The following ESR1 variants were observed in gnomAD, a reference collection of about 807,000 sequenced individuals.
The protein encoded by ESR1 is estrogen receptor.
Under a neutral mutation model 52.7 loss-of-function variants are expected in ESR1, and 12 were observed. The ratio of observed to expected loss-of-function variants is 0.23; its 90% CI spans 0.15 to 0.37. The LOEUF is 0.37. ESR1 is among the 10% of genes least tolerant of loss of function. The pLI is 1.00. For missense variants in ESR1, 584 were observed against 779.7 expected (o/e 0.75, Z 2.99); for synonymous variants, 305 against 316.8 (o/e 0.96, Z 0.39).
chr6:151,988,714 C>T (rs60803780), intron 4 of ESR1, among the ~76,000 whole-genome samples: 19,476 of 151,990 alleles, frequency 0.13, 1,334 homozygotes, highest in African/African-American at 0.18. Context: ...TGCACGTGTA[C>T]TCCAGAGCTT....
rs144168769 is a variant in ESR1 at position 152,012,133 on chromosome 6, T to C, written c.1235+339T>C. 5.0e-3 allele frequency among the ~76,000 whole-genome samples: 765 copies of C among 151,770 alleles called. 8 individuals carry two copies. The highest frequency in any genetic ancestry group is 0.018 in the African/African-American group (732 of 41,284). ...AACTTGTATCATATAAAAATTATAA[T>C]AACCTCTCTTTAATTAAAATCTGTT... On this transcript the variant is annotated intron_variant, in intron 5 of 7. Coordinates refer to ENST00000206249, the MANE Select transcript of ESR1 (RefSeq NM_000125.4).
intron 1 of ESR1, among the ~76,000 whole-genome samples, chr6:151,829,809 G>A (rs566986796): frequency 1.1e-3 from 169 of 152,274 alleles, no homozygotes; most frequent in African/African-American, 3.8e-3. Flanking sequence ...CTTGTTTAAG[G>A]CATGTAATTG....
At chr6:151,750,177 G>GA (rs374711457) in intron 2 of ESR1, among the ~76,000 whole-genome samples, 2 of 152,026 alleles carry the variant, frequency 1.3e-5, no homozygotes, top group Non-Finnish European at 1.5e-5. Context: ...AACTCTTCAT[G>GA]AAAAAAATTC....
At chr6:151,958,275 G>A (rs2037230057) in intron 4 of ESR1, among the ~76,000 whole-genome samples, 1 of 151,930 alleles carries the variant, frequency 6.6e-6, no homozygotes, top group African/African-American at 2.4e-5. Flanking sequence ...AAAGGAATTA[G>A]AACACAATAA....
intron 4 of ESR1, among the ~76,000 whole-genome samples, chr6:151,991,866 G>A (rs1488388138): frequency 2.0e-5 from 3 of 152,006 alleles, no homozygotes; most frequent in Admixed American, 6.6e-5. Context: ...CCTTCTCAGG[G>A]GATCCTCTTC....
At chr6:152,006,925 T>A (rs1411037544) in intron 4 of ESR1, among the ~76,000 whole-genome samples, 1 of 152,086 alleles carries the variant, frequency 6.6e-6, no homozygotes, top group Non-Finnish European at 1.5e-5. Context: ...GCTTTTTTCT[T>A]TTGCAGTGTT....
At chr6:151,836,160 T>G (rs1022425407) in intron 1 of ESR1, among the ~76,000 whole-genome samples, 1 of 152,152 alleles carries the variant, frequency 6.6e-6, no homozygotes, top group Non-Finnish European at 1.5e-5. Context: ...GAAGAAATAA[T>G]TGATGAAATT....
rs138684195 is a variant in ESR1 at position 152,041,374 on chromosome 6, G to A, written c.1236-19617G>A. 3.0e-3 allele frequency among the ~76,000 whole-genome samples: 464 copies of A among 152,294 alleles called. 6 individuals carry two copies. The highest frequency in any genetic ancestry group is 0.011 in the African/African-American group (439 of 41,560). ...TTTCAGGTCACTTGATAAATGGGCTGGAGTAACACACCCAAATGAGGAATG... is the reference window on the plus strand; with the variant it reads ...TTTCAGGTCACTTGATAAATGGGCTAGAGTAACACACCCAAATGAGGAATG... On this transcript the variant is annotated intron_variant, in intron 5 of 7. Transcript: ENST00000206249.
At chr6:151,704,313 C>T (rs1780017669) in intron 2 of ESR1, among the ~76,000 whole-genome samples, 2 of 152,234 alleles carry the variant, frequency 1.3e-5, no homozygotes, top group Admixed American at 6.5e-5. Context: ...TCTTGGCTCA[C>T]TGCAACCTCT....
intron 1 of ESR1, among the ~76,000 whole-genome samples, chr6:151,827,994 G>T (rs907016325): frequency 2.0e-5 from 3 of 152,198 alleles, no homozygotes; most frequent in Non-Finnish European, 2.9e-5. Flanking sequence ...AAATGACGCA[G>T]AATTATTTAC....
At chr6:151,801,320 A>C (rs566766047), upstream of ESR1, among the ~76,000 whole-genome samples, 9 of 152,360 alleles carry the variant, frequency 5.9e-5, no homozygotes, top group Admixed American at 5.2e-4. Flanking sequence ...TATTACATGC[A>C]ACATAGGTAC....
intron 4 of ESR1, among the ~76,000 whole-genome samples, chr6:151,958,973 C>CCTGTGTGTGTGTGTGTGTGTGTGT (rs2037325815): frequency 6.7e-6 from 1 of 148,734 alleles, no homozygotes; most frequent in South Asian, 2.1e-4. Context: ...AAAAAGTTTC[C>CCTGTGTGTGTGTGTGTGTGTGTGT]GTGTGTGTGT....
chr6:151,889,010 C>A (rs906432700), intron 3 of ESR1, among the ~76,000 whole-genome samples: 1 of 152,104 alleles, frequency 6.6e-6, no homozygotes, highest in African/African-American at 2.4e-5. Flanking sequence ...CATCCCTGGG[C>A]AAATCCCACT....
At chr6:151,708,379 A>G (rs999776329) in intron 2 of ESR1, among the ~76,000 whole-genome samples, 1 of 152,192 alleles carries the variant, frequency 6.6e-6, no homozygotes, top group African/African-American at 2.4e-5. Flanking sequence ...TGTCATTACA[A>G]ATATTCTTAG....
intron 1 of ESR1, among the ~76,000 whole-genome samples, chr6:151,662,570 C>G (rs1777674903): frequency 6.6e-6 from 1 of 152,136 alleles, no homozygotes; most frequent in African/African-American, 2.4e-5. Context: ...TTCTTTCTAC[C>G]TCATTATCCC....
intron 2 of ESR1, among the ~76,000 whole-genome samples, chr6:151,789,527 A>G (rs972354744): frequency 1.4e-4 from 21 of 152,348 alleles, no homozygotes; most frequent in Admixed American, 2.6e-4. Context: ...GGTGAATGAT[A>G]GACGCAAATT....
chr6:152,094,410 C>T lies in ESR1; in HGVS notation c.1395C>T (p.Thr465=), dbSNP rs2152495842. ...GAGTGTACACATTTCTGTCCAGCAC[C>T]CTGAAGTCTCTGGAAGAGAAGGACC... ...NSGVYTFLSS[T]LKSLEEKDHI... is the part of the protein sequence containing the mutation. Residue 465 remains threonine, a synonymous_variant, in exon 7 of 8, where the codon ACC becomes ACT. Transcript: ENST00000206249. The surrounding 1 kb of genome is among the most constrained non-coding windows in gnomAD (Gnocchi z 4.6). 6.2e-7 allele frequency: 1 copy of T among 1,614,100 alleles called. No homozygotes were observed. The highest frequency in any genetic ancestry group is 8.5e-7 in the Non-Finnish European group (1 of 1,180,000).
intron 4 of ESR1, among the ~76,000 whole-genome samples, chr6:151,986,596 A>C (rs996475808): frequency 9.9e-5 from 15 of 152,004 alleles, no homozygotes; most frequent in African/African-American, 3.4e-4. Context: ...ATTTTTGAAA[A>C]CTCATTAGGT....
At chr6:152,121,005 G>C (rs775864820) in intron 6 of ESR1, among the ~76,000 whole-genome samples, 18 of 152,162 alleles carry the variant, frequency 1.2e-4, no homozygotes, top group Non-Finnish European at 1.9e-4. Context: ...CCCAATTCTG[G>C]AAGGGACAGC....
Sources: allele counts gnomAD v4.1 joint callset (sites outside exome capture counted in the v4.1 genomes callset), GRCh38; gene constraint gnomAD v4.1.1; non-coding constraint Gnocchi (gnomAD v3.1); transcripts MANE v1.5; gene names NCBI Gene and HGNC (gene_info 2026-07-23, HGNC 2026-07-21).